SETD1B: variants seen among roughly 807,000 people sequenced by gnomAD.
SETD1B encodes the protein histone-lysine N-methyltransferase SETD1B.
Under a neutral mutation model 148.0 loss-of-function variants are expected in SETD1B, and 7 were observed. That is an observed-to-expected ratio of 0.05 (90% CI 0.03 to 0.09). The LOEUF (loss-of-function observed/expected upper bound fraction) is 0.09, where lower values mean the gene tolerates loss of function less well. Among genes scored for constraint, SETD1B ranks in the 10% least tolerant of loss-of-function variants. SETD1B has a pLI of 1.00. For missense variants in SETD1B, 2,155 were observed against 2,729.9 expected (o/e 0.79, Z 4.69); for synonymous variants, 1,361 against 1,186.5 (o/e 1.15, Z -3.02).
rs1875619453 is a variant in SETD1B at position 121,804,604 on chromosome 12, C to T, written c.-14-120C>T. ...GGGGAGCCAGCGAGACAGCTCCTTTCGGGGCGCGCTGGCAAGGTGGGAGGG... is the reference window on the plus strand; with the variant it reads ...GGGGAGCCAGCGAGACAGCTCCTTTTGGGGCGCGCTGGCAAGGTGGGAGGG... On this transcript the variant is annotated intron_variant, in intron 1 of 16. Transcript: ENST00000604567. The surrounding 1 kb of genome is among the most constrained non-coding windows in gnomAD (Gnocchi z 4.6). 3.8e-6 allele frequency: 3 copies of T among 793,468 alleles called. No homozygotes were observed. The highest frequency in any genetic ancestry group is 1.8e-5 in the African/African-American group (1 of 54,120). 49.2% of individuals were successfully genotyped at this position (793,468 alleles called of 1,614,324 possible). A position where few individuals can be genotyped will look rare whatever the true frequency, so the allele number is the denominator to read the frequency against.
Position 121,823,344 on chromosome 12 carries a change from C to CGG in SETD1B, c.4765_4766insGG (p.Gln1589ArgfsTer12). Reference sequence around the variant, plus strand: ...AGCCCCTCCACCACCCCTTCCCCCCCAGCCACCCCCACCCCCACCTCCCCC... The same window carrying CGG: ...AGCCCCTCCACCACCCCTTCCCCCCCGGAGCCACCCCCACCCCCACCTCCCCC... On this transcript the variant is annotated frameshift_variant, in exon 12 of 17. Transcript: ENST00000604567. LOFTEE classifies it high-confidence loss of function. The CGG allele has an allele frequency of 7.4e-7, 1 of 1,344,270 alleles. No individual in the cohort carries two copies. Among genetic ancestry groups the CGG allele is most frequent in the Non-Finnish European group, 1.0e-6 (1 of 976,590 alleles). 83.3% of individuals were successfully genotyped at this position (1,344,270 alleles called of 1,614,324 possible). A position where few individuals can be genotyped will look rare whatever the true frequency, so the allele number is the denominator to read the frequency against.
the SETD1B span, chr12:121,793,422 AC>A: frequency 6.6e-7 from 1 of 1,517,024 alleles, no homozygotes; most frequent in Non-Finnish European, 8.9e-7. Context: ...GACGCTGGGG[AC>A]TGAGGGTCGG....
chr12:121,795,928 C>A, the SETD1B span: 4 of 152,492 alleles, frequency 2.6e-5, no homozygotes, highest in African/African-American at 9.6e-5. Flanking sequence ...CTTCCCAGCC[C>A]GGCCTGGGTC....
chr12:121,812,208 C>T (rs557608760), intron 6 of SETD1B, among the ~76,000 whole-genome samples: 33 of 152,246 alleles, frequency 2.2e-4, no homozygotes, highest in African/African-American at 7.5e-4. Flanking sequence ...GTGCGGGGAG[C>T]TGGACCCCGT....
chr12:121,822,679 G>T lies in SETD1B; in HGVS notation c.4100G>T (p.Cys1367Phe). ...CACCCCCCGCATACTCCAGGCCTCT[G>T]TGGCAGCCTGGCCAAGTCGCAGAGC... is the stretch of plus-strand genomic sequence containing the variant. ...EDHPPHTPGLCGSLAKSQSTE... is the reference protein window; with the variant it reads ...EDHPPHTPGLFGSLAKSQSTE... The change falls in exon 12 of 17, where the codon TGT (cysteine) becomes TTT (phenylalanine). Residue 1367 changes from cysteine (C) to phenylalanine (F), a missense_variant. Cys to Phe is a radical substitution (Grantham distance 205). Coordinates refer to ENST00000604567, the MANE Select transcript of SETD1B (RefSeq NM_001353345.2). 1 of 1,543,176 alleles carries T rather than the reference G, an allele frequency of 6.5e-7. No homozygotes were observed. The highest frequency in any genetic ancestry group is 2.0e-5 in the Admixed American group (1 of 50,400).
chr12:121,812,656 C>CGGCTCTGTCCAG, intron 6 of SETD1B, among the ~76,000 whole-genome samples: 1 of 152,032 alleles, frequency 6.6e-6, no homozygotes. Context: ...GCGCTGTGCT[C>CGGCTCTGTCCAG]GGCTCTGTCC....
At position 121,804,317 on chromosome 12, in the gene SETD1B, G is replaced by T. The variant is rs1325618742; in HGVS notation, c.-15+84G>T. 6.9e-6 allele frequency: 1 copy of T among 145,788 alleles called. No individual in the cohort carries two copies. Among genetic ancestry groups the T allele is most frequent in the Non-Finnish European group, 1.5e-5 (1 of 65,604 alleles). 9.0% of individuals were successfully genotyped at this position (145,788 alleles called of 1,614,324 possible). ...GGCCCCGGCCCTGGCCCGAGCGGGC[G>T]AGCGGGCGGGCGGGCGGCGGCGCCG... On this transcript the variant is annotated intron_variant, in intron 1 of 16. Transcript: ENST00000604567. This position sits in a 1 kb window ranked among gnomAD's most constrained non-coding sequence, Gnocchi z 4.6.
chr12:121,809,875 C>T lies in SETD1B; in HGVS notation c.930C>T (p.Ala310=). The change falls in exon 6 of 17, where the codon GCC becomes GCT. Residue 310 remains alanine (A), a synonymous_variant. Coordinates refer to ENST00000604567, the MANE Select transcript of SETD1B (RefSeq NM_001353345.2). The stretch of plus-strand genomic sequence containing the variant: ...AGGACCCTGCAGTGACCTTCAAGGC[C>T]CGGCGCCACGAGAGCAAGTTCACGG... ...FSQDPAVTFK[A]RRHESKFTDA... The T allele has an allele frequency of 6.4e-7, 1 of 1,551,240 alleles. No homozygotes were observed. The highest frequency in any genetic ancestry group is 1.2e-5 in the South Asian group (1 of 84,056).
chr12:121,813,629 A>G (rs1004592869), intron 6 of SETD1B, among the ~76,000 whole-genome samples: 3 of 152,188 alleles, frequency 2.0e-5, no homozygotes, highest in South Asian at 2.1e-4. Context: ...CACATAAGAG[A>G]CACTATGGAA....
chr12:121,818,734 C>G (rs565511532), intron 10 of SETD1B, among the ~76,000 whole-genome samples: 35 of 151,298 alleles, frequency 2.3e-4, no homozygotes, highest in African/African-American at 8.5e-4. Flanking sequence ...AATAAAAATA[C>G]AAAAAATTAG....
intron 12 of SETD1B, 33 bp from the exon 13 acceptor site, chr12:121,825,167 A>G: frequency 6.5e-7 from 1 of 1,548,372 alleles, no homozygotes; most frequent in Non-Finnish European, 8.7e-7. Context: ...AGGGGCTCTC[A>G]GAATGTCCAT....
At chr12:121,809,454 C>T in intron 5 of SETD1B, 149 bp from the exon 6 acceptor site, 1 of 868,754 alleles carries the variant, frequency 1.2e-6, no homozygotes, top group South Asian at 1.8e-5. Flanking sequence ...CCTGACACTC[C>T]TCCTCAATCT....
In SETD1B at chr12:121,817,042, A is replaced by G. The variant is rs1308426437; in HGVS notation, c.2725A>G (p.Thr909Ala). The G allele has an allele frequency of 1.3e-6, 2 of 1,523,510 alleles. No homozygotes were observed. Among genetic ancestry groups the G allele is most frequent in the African/African-American group, 1.4e-5 (1 of 72,580 alleles). 94.4% of individuals were successfully genotyped at this position (1,523,510 alleles called of 1,614,324 possible). The change falls in exon 8 of 17, where the codon ACC becomes GCC. Residue 909 changes from threonine to alanine, a missense_variant. Thr to Ala is a moderately conservative substitution (Grantham distance 58, BLOSUM62 0). Around this residue, in one of 11 missense-constraint regions of SETD1B, gnomAD observed 289 missense variants for 423.7 expected, o/e 0.68. Coordinates refer to ENST00000604567, the MANE Select transcript of SETD1B (RefSeq NM_001353345.2). The surrounding 1 kb of genome is among the most constrained non-coding windows in gnomAD (Gnocchi z 8.1). ...CCTGTCTCCACCCCAGGCCTCGCTG[A>G]CCCCGGTGAAGTCGGGCGAGCACAA... is the stretch of plus-strand genomic sequence containing the variant. ...KKERMAKASL[T>A]PVKSGEHKDE...
chr12:121,802,924 T>C (rs1875463782), upstream of SETD1B: 1 of 152,282 alleles, frequency 6.6e-6, no homozygotes, highest in Non-Finnish European at 1.5e-5. Context: ...CCTCATCTGT[T>C]GGCCTCTCCT....
Position 121,804,686 on chromosome 12 carries a change from C to CGCCGCG in SETD1B, c.-14-35_-14-30dup. 2.0e-6 allele frequency: 3 copies of CGCCGCG among 1,524,706 alleles called. No homozygotes were observed. Among genetic ancestry groups the CGCCGCG allele is most frequent in the Non-Finnish European group, 2.6e-6 (3 of 1,132,412 alleles). 94.4% of individuals were successfully genotyped at this position (1,524,706 alleles called of 1,614,324 possible). A position where few individuals can be genotyped will look rare whatever the true frequency, so the allele number is the denominator to read the frequency against. Reference sequence around the variant, plus strand: ...TGTGTGTAGAAGCGGCCGCCGCCGCCGCCGCGGCGGAGACGACAACAACTT... The same window carrying CGCCGCG: ...TGTGTGTAGAAGCGGCCGCCGCCGCCGCCGCGGCCGCGGCGGAGACGACAACAACTT... On this transcript the variant is annotated intron_variant, in intron 1 of 16. Coordinates refer to ENST00000604567, the MANE Select transcript of SETD1B (RefSeq NM_001353345.2). The surrounding 1 kb of genome is among the most constrained non-coding windows in gnomAD (Gnocchi z 4.6).
In SETD1B at chr12:121,814,608, TGGCCGCTGC is replaced by T; in HGVS notation, c.2400_2408del (p.Ala803_Ala805del). Reference sequence around the variant, plus strand: ...GGCGCCTGCCCCTACCCGCCCTTCATGGCCGCTGCGGCCGCCGCTGCCTCAGCTGGGCTC... The same window carrying T: ...GGCGCCTGCCCCTACCCGCCCTTCATGGCCGCCGCTGCCTCAGCTGGGCTC... On this transcript the variant is annotated inframe_deletion, in exon 7 of 17. Transcript: ENST00000604567. 1.3e-6 allele frequency: 2 copies of T among 1,541,250 alleles called. No homozygotes were observed. The highest frequency in any genetic ancestry group is 1.8e-6 in the Non-Finnish European group (2 of 1,141,236).
intron 6 of SETD1B, among the ~76,000 whole-genome samples, chr12:121,812,774 G>GTGTGTGTA (rs1876100605): frequency 6.6e-6 from 1 of 152,100 alleles, no homozygotes; most frequent in Admixed American, 6.5e-5. Context: ...GTGCGTGTGT[G>GTGTGTGTA]TGTGTGTATG....
chr12:121,822,223 G>A (rs754085001), intron 11 of SETD1B, among the ~76,000 whole-genome samples: 6 of 152,114 alleles, frequency 3.9e-5, no homozygotes, highest in African/African-American at 7.2e-5. Context: ...TGGGCCACAG[G>A]GACTTTGTTC....
In SETD1B at chr12:121,810,236, G is replaced by A; in HGVS notation, c.1291G>A (p.Ala431Thr). Reference protein sequence around the residue: ...GARDSGEFRRAPAPPPLPPAE... With the variant: ...GARDSGEFRRTPAPPPLPPAE... Reference sequence around the variant, plus strand: ...CCGCGACAGTGGGGAGTTCCGGAGGGCACCGGCGCCCCCACCCCTGCCACC... The same window carrying A: ...CCGCGACAGTGGGGAGTTCCGGAGGACACCGGCGCCCCCACCCCTGCCACC... Residue 431 changes from alanine to threonine, a missense_variant, in exon 6 of 17, where the codon GCA (alanine) becomes ACA (threonine). By Grantham distance (58) the Ala-to-Thr change is moderately conservative (BLOSUM62 0). Coordinates refer to ENST00000604567, the MANE Select transcript of SETD1B (RefSeq NM_001353345.2). This position sits in a 1 kb window ranked among gnomAD's most constrained non-coding sequence, Gnocchi z 7.6. 3.9e-6 allele frequency: 6 copies of A among 1,547,710 alleles called. No homozygotes were observed. The highest frequency in any genetic ancestry group is 3.5e-6 in the Non-Finnish European group (4 of 1,146,820).
Sources: gnomAD v4.1 joint callset for allele counts (sites outside exome capture counted in the v4.1 genomes callset) on GRCh38, gnomAD v4.1.1 for gene constraint, gnomAD v4.1.1 regional missense constraint, Gnocchi (gnomAD v3.1) non-coding constraint, MANE v1.5 for transcripts, NCBI Gene and HGNC (gene_info 2026-07-23, HGNC 2026-07-21) for gene names.